Variants in DMAP1 observed in about 807,000 individuals in gnomAD.
DMAP1 encodes the protein DNA methyltransferase 1-associated protein 1.
DMAP1 carries 26 observed loss-of-function variants against 52.7 expected under a neutral mutation model. The observed-to-expected ratio is 0.49, with a 90% CI of 0.36 to 0.68. DMAP1 has a LOEUF of 0.68. DMAP1 is among the 30% of genes least tolerant of loss of function. The pLI, the probability that DMAP1 is intolerant of heterozygous loss-of-function variation, is 0.00. For synonymous variants in DMAP1, 231 were observed against 246.0 expected, an observed-to-expected ratio of 0.94 and a Z score of 0.57; for missense variants, 439 against 625.2, an observed-to-expected ratio of 0.70 and a Z score of 3.18.
chr1:44,213,757 G>A lies in DMAP1; in HGVS notation c.4G>A (p.Ala2Thr), dbSNP rs374557407. 88 of 1,578,008 alleles carry A rather than the reference G, an allele frequency of 5.6e-5. No individual in the cohort carries two copies. The highest frequency in any genetic ancestry group is 7.2e-5 in the Non-Finnish European group (84 of 1,162,458). ...GCTCCCCCATCTCTCAGGCGCGATG[G>A]CTACGGGCGCGGATGTACGGGACAT... is the stretch of plus-strand genomic sequence containing the variant. M[A>T]TGADVRDILE... is the part of the protein sequence containing the mutation. The change falls in exon 1 of 10, where the codon GCT becomes ACT. Residue 2 changes from alanine (A) to threonine (T), a missense_variant. Coordinates refer to ENST00000372289, the MANE Select transcript of DMAP1 (RefSeq NM_019100.5). The surrounding 1 kb of genome is among the most constrained non-coding windows in gnomAD (Gnocchi z 4.5).
chr1:44,215,063 G>T lies in DMAP1; in HGVS notation c.393+165G>T, dbSNP rs753946194. 1.5e-5 allele frequency: 12 copies of T among 796,396 alleles called. No individual in the cohort carries two copies. The South Asian group carries it at 1.7e-4, about 12-fold the overall frequency. The allele number at this position is 796,396 out of a possible 1,614,324, so 49.3% of individuals were successfully genotyped here. A position where few individuals can be genotyped will look rare whatever the true frequency, so the allele number is the denominator to read the frequency against. On this transcript the variant is annotated intron_variant, in intron 3 of 9. Transcript: ENST00000372289. Reference sequence around the variant, plus strand: ...ATGCATGCAGAGTAGGACTCTGTGGGTCTTTTCTGCCCAAGGGATCCTGTT... The same window carrying T: ...ATGCATGCAGAGTAGGACTCTGTGGTTCTTTTCTGCCCAAGGGATCCTGTT...
At chr1:44,219,367 C>T (rs1329836165) in intron 6 of DMAP1, 39 bp from the exon 7 acceptor site, 2 of 1,549,648 alleles carry the variant, frequency 1.3e-6, no homozygotes, top group South Asian at 1.3e-5. Context: ...GGGCCCTCTC[C>T]CTGTGACACC....
In DMAP1 at chr1:44,218,202, G is replaced by A; in HGVS notation, c.394-109G>A. 2.1e-6 allele frequency: 3 copies of A among 1,463,126 alleles called. No individual in the cohort carries two copies. Among genetic ancestry groups the A allele is most frequent in the Non-Finnish European group, 2.9e-6 (3 of 1,043,718 alleles). 90.6% of individuals were successfully genotyped at this position (1,463,126 alleles called of 1,614,324 possible). On this transcript the variant is annotated intron_variant, in intron 3 of 9. Coordinates refer to ENST00000372289, the MANE Select transcript of DMAP1 (RefSeq NM_019100.5). This position sits in a 1 kb window ranked among gnomAD's most constrained non-coding sequence, Gnocchi z 5.6. ...CCTCACTCCATGCTGCAGGGGCACA[G>A]GCCCAGGGTCTGGCAACAAACAGGA...
In DMAP1 at chr1:44,218,362, G is replaced by C. The variant is rs762027853; in HGVS notation, c.445G>C (p.Asp149His). The C allele has an allele frequency of 6.2e-7, 1 of 1,614,190 alleles. No homozygotes were observed. Among genetic ancestry groups the C allele is most frequent in the African/African-American group, 1.3e-5 (1 of 75,052 alleles). The change falls in exon 4 of 10, where the codon GAT becomes CAT. Residue 149 changes from aspartate to histidine, a missense_variant. Physicochemically the swap from Asp to His is moderately conservative, Grantham distance 81. Around this residue, in one of 3 missense-constraint regions of DMAP1, gnomAD observed 142 missense variants for 149.5 expected, o/e 0.95. Coordinates refer to ENST00000372289, the MANE Select transcript of DMAP1 (RefSeq NM_019100.5). This position sits in a 1 kb window ranked among gnomAD's most constrained non-coding sequence, Gnocchi z 5.6. ...GCAGGAGTACCAGCTTTATCTCCACGATGATGCTTGGACTAAGGCAGAAAC... is the reference window on the plus strand; with the variant it reads ...GCAGGAGTACCAGCTTTATCTCCACCATGATGCTTGGACTAAGGCAGAAAC... ...SEQEYQLYLH[D>H]DAWTKAETDH...
chr1:44,214,806 A>G lies in DMAP1; in HGVS notation c.301A>G (p.Thr101Ala). 1 of 1,614,132 alleles carries G rather than the reference A, an allele frequency of 6.2e-7. No homozygotes were observed. The highest frequency in any genetic ancestry group is 1.7e-5 in the Admixed American group (1 of 60,022). Reference protein sequence around the residue: ...KVRPWKWMPFTNPARKDGAMF... With the variant: ...KVRPWKWMPFANPARKDGAMF... The stretch of plus-strand genomic sequence containing the variant: ...GCGGCCTTGGAAGTGGATGCCATTC[A>G]CCAACCCGGCCCGCAAGGACGGAGC... Residue 101 changes from threonine to alanine, a missense_variant, in exon 3 of 10, where the codon ACC becomes GCC. Thr to Ala is a moderately conservative substitution (Grantham distance 58). Around this residue, in one of 3 missense-constraint regions of DMAP1, gnomAD observed 118 missense variants for 189.8 expected, o/e 0.62. Transcript: ENST00000372289.
At chr1:44,219,306 G>C (rs982485153) in intron 6 of DMAP1, 65 bp downstream of exon 6, 4 of 1,577,280 alleles carry the variant, frequency 2.5e-6, no homozygotes, top group African/African-American at 1.4e-5. Flanking sequence ...CTCACCCCGA[G>C]TGGAGGGTTC....
chr1:44,220,415 A>G, intron 9 of DMAP1, 106 bp downstream of exon 9: 1 of 1,544,722 alleles, frequency 6.5e-7, no homozygotes, highest in Non-Finnish European at 8.7e-7. Context: ...AGGAACGATC[A>G]TCACTTCTGT....
intron 1 of DMAP1, among the ~76,000 whole-genome samples, 192 bp from the exon 2 acceptor site, chr1:44,214,158 G>T (rs1163203650): frequency 6.6e-6 from 1 of 152,150 alleles, no homozygotes; most frequent in Admixed American, 6.5e-5. Context: ...AGAGTTGGTG[G>T]GATGGGGAGG....
At position 44,218,528 on chromosome 1, in the gene DMAP1, T is replaced by C; in HGVS notation, c.552+59T>C. On this transcript the variant is annotated intron_variant, in intron 4 of 9. Transcript: ENST00000372289. The surrounding 1 kb of genome is among the most constrained non-coding windows in gnomAD (Gnocchi z 5.6). ...TTCTGGGTCTAGCAGGCCCTACTTT[T>C]ATGCCATCTCTTCCACATGCCCCTG... The C allele has an allele frequency of 1.2e-6, 2 of 1,609,038 alleles. No individual in the cohort carries two copies. Among genetic ancestry groups the C allele is most frequent in the Non-Finnish European group, 1.7e-6 (2 of 1,175,950 alleles).
chr1:44,214,931 T>A (rs1219723518), intron 3 of DMAP1, 33 bp downstream of exon 3: 6 of 1,613,084 alleles, frequency 3.7e-6, no homozygotes, highest in Non-Finnish European at 5.1e-6. Context: ...CAGGCCAAGA[T>A]TGCCCTCCCA....
In DMAP1 at chr1:44,218,141, C is replaced by A; in HGVS notation, c.394-170C>A. On this transcript the variant is annotated intron_variant, in intron 3 of 9. Transcript: ENST00000372289. The surrounding 1 kb of genome is among the most constrained non-coding windows in gnomAD (Gnocchi z 5.6). ...TCAGAGGCAGGCTACAGTCCCAAAC[C>A]CTGCTAGGACCTCTAGTCAAGCAGA... 1 of 863,100 alleles carries A rather than the reference C, an allele frequency of 1.2e-6. No homozygotes were observed. Among genetic ancestry groups the A allele is most frequent in the Non-Finnish European group, 1.9e-6 (1 of 518,084 alleles). 53.5% of individuals were successfully genotyped at this position (863,100 alleles called of 1,614,324 possible).
intron 7 of DMAP1, 97 bp downstream of exon 7, chr1:44,219,574 G>T: frequency 7.6e-7 from 1 of 1,314,502 alleles, no homozygotes; most frequent in East Asian, 2.4e-5. Context: ...TGGAGCAGTA[G>T]GAGAGATTGC....
At chr1:44,215,588 G>A (rs927748034) in intron 3 of DMAP1, 2 of 323,618 alleles carry the variant, frequency 6.2e-6, no homozygotes, top group Non-Finnish European at 1.2e-5. Context: ...GGATTTGAAT[G>A]GATATGAAAT....
intron 3 of DMAP1, 145 bp downstream of exon 3, chr1:44,215,043 T>C (rs756346134): frequency 1.1e-6 from 1 of 925,670 alleles, no homozygotes; most frequent in Non-Finnish European, 1.7e-6. Context: ...GGCAAATGCA[T>C]GCAGAGTAGG....
chr1:44,219,527 G>A, intron 7 of DMAP1, 50 bp downstream of exon 7: 1 of 1,507,990 alleles, frequency 6.6e-7, no homozygotes, highest in African/African-American at 1.4e-5. Context: ...CTCTGCTCTG[G>A]GCTCCATGTG....
intron 8 of DMAP1, 38 bp from the exon 9 acceptor site, chr1:44,219,979 C>A (rs564972388): frequency 1.2e-6 from 2 of 1,602,194 alleles, no homozygotes; most frequent in Admixed American, 1.7e-5. Context: ...CTCTACCACA[C>A]CTGGGCTCTG....
Position 44,220,127 on chromosome 1 carries a change from C to T in DMAP1, c.1162C>T (p.Leu388=). ...GGCCTGTGCCAACTGCGAGTATGAG[C>T]TGCAGATGCTGCGGCACCGTCATGA... is the stretch of plus-strand genomic sequence containing the variant. ...KQACANCEYE[L]QMLRHRHEAL... is the part of the protein sequence containing the mutation. The change falls in exon 9 of 10, where the codon CTG becomes TTG. Residue 388 remains leucine (L), a synonymous_variant. Coordinates refer to ENST00000372289, the MANE Select transcript of DMAP1 (RefSeq NM_019100.5). 6.2e-7 allele frequency: 1 copy of T among 1,612,860 alleles called. No homozygotes were observed. The highest frequency in any genetic ancestry group is 1.1e-5 in the South Asian group (1 of 90,910).
In DMAP1 at chr1:44,218,303, G is replaced by A; in HGVS notation, c.394-8G>A. On this transcript the variant is annotated splice_region_variant and splice_polypyrimidine_tract_variant and intron_variant, in intron 3 of 9. Transcript: ENST00000372289. The surrounding 1 kb of genome is among the most constrained non-coding windows in gnomAD (Gnocchi z 5.6). ...GCATGCCCCTACTGTGTCCCTCTGT[G>A]CTAGTAGACTGTGCAGGTGCCTGTG... The A allele has an allele frequency of 6.2e-7, 1 of 1,614,258 alleles. No individual in the cohort carries two copies. The highest frequency in any genetic ancestry group is 8.5e-7 in the Non-Finnish European group (1 of 1,180,040).
At chr1:44,219,304 G>A (rs1026556677) in intron 6 of DMAP1, 63 bp downstream of exon 6, 51 of 1,577,604 alleles carry the variant, frequency 3.2e-5, no homozygotes, top group African/African-American at 2.2e-4. Flanking sequence ...GCCTCACCCC[G>A]AGTGGAGGGT....
Sources: allele counts gnomAD v4.1 joint callset (sites outside exome capture counted in the v4.1 genomes callset), GRCh38; gene constraint gnomAD v4.1.1; regional missense constraint gnomAD v4.1.1; non-coding constraint Gnocchi (gnomAD v3.1); transcripts MANE v1.5; gene names NCBI Gene and HGNC (gene_info 2026-07-23, HGNC 2026-07-21).